RBFOX1: variants seen among roughly 807,000 people sequenced by gnomAD.
The protein encoded by RBFOX1 is RNA binding protein fox-1 homolog 1.
Under a neutral mutation model 57.7 loss-of-function variants are expected in RBFOX1, and 8 were observed. That is an observed-to-expected ratio of 0.14 (90% CI 0.08 to 0.25). The LOEUF (loss-of-function observed/expected upper bound fraction) is 0.25. Ranked by LOEUF, RBFOX1 falls within the 10% of genes least tolerant of loss-of-function variation. The pLI is 1.00. For synonymous variants in RBFOX1, 326 were observed against 222.4 expected (o/e 1.47, Z -4.15); for missense variants, 611 against 548.5 (o/e 1.11, Z -1.14).
At chr16:6,685,432 T>C (rs899039721) in intron 3 of RBFOX1, among the ~76,000 whole-genome samples, 1 of 142,016 alleles carries the variant, frequency 7.0e-6, no homozygotes, top group African/African-American at 2.6e-5. Context: ...TGTGCCACTA[T>C]ACCCAGCTAA....
intron 2 of RBFOX1, among the ~76,000 whole-genome samples, chr16:6,520,607 GC>G (rs2096480100): frequency 6.6e-6 from 1 of 152,164 alleles, no homozygotes; most frequent in African/African-American, 2.4e-5. Flanking sequence ...AGATATGTGG[GC>G]ACCTTTAGCT....
chr16:6,661,705 C>T (rs1156835111), intron 3 of RBFOX1, among the ~76,000 whole-genome samples: 1 of 152,212 alleles, frequency 6.6e-6, no homozygotes, highest in Non-Finnish European at 1.5e-5. Flanking sequence ...AAGACGAAGT[C>T]AGCCAGGACC....
intron 4 of RBFOX1, among the ~76,000 whole-genome samples, chr16:7,513,954 C>A (rs1395520025): frequency 6.6e-6 from 1 of 152,180 alleles, no homozygotes; most frequent in Non-Finnish European, 1.5e-5. Context: ...TAGCTATCAC[C>A]CCTCTTTGGT....
chr16:7,014,042 T>C (rs1245935616), intron 3 of RBFOX1, among the ~76,000 whole-genome samples: 2 of 152,208 alleles, frequency 1.3e-5, no homozygotes, highest in African/African-American at 2.4e-5. Flanking sequence ...GGATGAAATA[T>C]GTAACAGTAT....
chr16:6,773,461 G>T (rs1227411712), intron 3 of RBFOX1, among the ~76,000 whole-genome samples: 3 of 147,520 alleles, frequency 2.0e-5, no homozygotes, highest in Non-Finnish European at 3.0e-5. Flanking sequence ...GGGTGCAATT[G>T]TGTGTGTATG....
chr16:6,367,254 G>GTTTTGTTTTGTTTTGTTTTGT (rs71145220), intron 2 of RBFOX1, among the ~76,000 whole-genome samples: 6 of 149,992 alleles, frequency 4.0e-5, no homozygotes, highest in Non-Finnish European at 5.9e-5. Context: ...TTCTTTGTTT[G>GTTTTGTTTTGTTTTGTTTTGT]TTTGTTTTGT....
At chr16:7,004,882 A>G (rs983276870) in intron 3 of RBFOX1, among the ~76,000 whole-genome samples, 2 of 152,092 alleles carry the variant, frequency 1.3e-5, no homozygotes, top group African/African-American at 4.8e-5. Context: ...AGGTGAGGTG[A>G]CTCACACCTG....
At chr16:7,475,855 G>A (rs1393391466) in intron 4 of RBFOX1, among the ~76,000 whole-genome samples, 1 of 152,224 alleles carries the variant, frequency 6.6e-6, no homozygotes, top group South Asian at 2.1e-4. Context: ...TTGTGAGGTA[G>A]CATTTATTTG....
chr16:5,589,050 T>G (rs1313909432), intron 2 of RBFOX1, among the ~76,000 whole-genome samples: 1 of 152,154 alleles, frequency 6.6e-6, no homozygotes, highest in Non-Finnish European at 1.5e-5. Flanking sequence ...AGGGCATCCA[T>G]CAGGGATGGC....
chr16:6,334,457 G>A (rs1270031737), intron 2 of RBFOX1, among the ~76,000 whole-genome samples: 3 of 142,898 alleles, frequency 2.1e-5, no homozygotes, highest in South Asian at 2.1e-4. Context: ...GCAGTGAGCC[G>A]AGATCATGCC....
At chr16:7,515,835 CGTTGTTGTTGTT>C (rs139201687) in intron 4 of RBFOX1, among the ~76,000 whole-genome samples, 3 of 151,230 alleles carry the variant, frequency 2.0e-5, no homozygotes, top group African/African-American at 7.3e-5. Context: ...AGTGGCAGTT[CGTTGTTGTTGTT>C]GTTGTTGTTG....
chr16:7,393,544 T>C (rs903319555), intron 4 of RBFOX1, among the ~76,000 whole-genome samples: 1 of 152,138 alleles, frequency 6.6e-6, no homozygotes, highest in Non-Finnish European at 1.5e-5. Context: ...AGTGGTGAAT[T>C]GAAGGAATGC....
intron 3 of RBFOX1, among the ~76,000 whole-genome samples, chr16:5,763,202 GT>G (rs1459417019): frequency 3.3e-5 from 5 of 152,194 alleles, no homozygotes; most frequent in African/African-American, 1.2e-4. Flanking sequence ...CTTCCCCGCT[GT>G]TGGCACTTTA....
At chr16:6,027,436 A>G (rs932512452) in intron 1 of RBFOX1, among the ~76,000 whole-genome samples, 13 of 152,184 alleles carry the variant, frequency 8.5e-5, no homozygotes, top group African/African-American at 3.1e-4. Flanking sequence ...TATTTCACTG[A>G]GATTCCAGAA....
intron 2 of RBFOX1, among the ~76,000 whole-genome samples, chr16:6,530,839 C>T (rs1370016076): frequency 3.3e-5 from 5 of 151,970 alleles, no homozygotes; most frequent in East Asian, 1.9e-4. Flanking sequence ...TACCTTCCAC[C>T]GGATCCCTCC....
Position 5,572,801 on chromosome 16 carries a change from G to A in RBFOX1, c.259-26101G>A, listed in dbSNP as rs147117388. Among the ~76,000 whole-genome samples the A allele has an allele frequency of 2.8e-3, 430 of 152,312 alleles. 1 individual carries two copies. Among genetic ancestry groups the A allele is most frequent in the Non-Finnish European group, 4.9e-3 (334 of 68,022 alleles). ...CTCTGTGGATATTTAGGGCAATCGG[G>A]ATGGGGCAGAAGGAGGAAGAAGTGC... On this transcript the variant is annotated intron_variant, in intron 2 of 2. Coordinates refer to the RBFOX1 transcript ENST00000585867.
chr16:6,326,352 A>T (rs1269736024), intron 2 of RBFOX1, among the ~76,000 whole-genome samples: 1 of 152,334 alleles, frequency 6.6e-6, no homozygotes, highest in East Asian at 1.9e-4. Context: ...CTTTAAAGTA[A>T]ATAAAATAAT....
chr16:7,373,839 G>A (rs746802837), intron 4 of RBFOX1, among the ~76,000 whole-genome samples: 5 of 152,286 alleles, frequency 3.3e-5, no homozygotes, highest in South Asian at 2.1e-4. Flanking sequence ...ACACATTCAC[G>A]TTTTAAAGAT....
intron 1 of RBFOX1, among the ~76,000 whole-genome samples, chr16:5,466,673 C>T (rs1468515093): frequency 6.6e-6 from 1 of 152,188 alleles, no homozygotes; most frequent in East Asian, 1.9e-4. Context: ...TGCTCTGGTC[C>T]CTGCCTGCCT....
Sources: gnomAD v4.1 joint callset for allele counts (sites outside exome capture counted in the v4.1 genomes callset) on GRCh38, gnomAD v4.1.1 for gene constraint, MANE v1.5 for transcripts, NCBI Gene and HGNC (gene_info 2026-07-23, HGNC 2026-07-21) for gene names.